CDH18: variants seen among roughly 807,000 people sequenced by gnomAD.
CDH18 encodes cadherin-18.
A neutral mutation model predicts 67.9 loss-of-function variants in CDH18; 31 were observed. The ratio of observed to expected loss-of-function variants is 0.46; its 90% CI spans 0.34 to 0.62. The LOEUF (loss-of-function observed/expected upper bound fraction) is 0.62. Among genes scored for constraint, CDH18 ranks in the 20% least tolerant of loss-of-function variants. The probability of loss-of-function intolerance (pLI) is 0.01; values close to 1 mark genes in which losing one functional copy is unlikely to be tolerated. For synonymous variants in CDH18, 362 were observed against 347.2 expected (o/e 1.04, Z -0.48); for missense variants, 890 against 975.5 (o/e 0.91, Z 1.17).
intron 3 of CDH18, among the ~76,000 whole-genome samples, chr5:19,777,525 G>A (rs528729973): frequency 4.1e-4 from 62 of 152,234 alleles, no homozygotes; most frequent in African/African-American, 1.2e-3. Flanking sequence ...ACAGTTGGCC[G>A]GCCACACTGT....
chr5:19,859,791 C>G (rs1049930082), intron 2 of CDH18, among the ~76,000 whole-genome samples: 1 of 152,152 alleles, frequency 6.6e-6, no homozygotes, highest in Non-Finnish European at 1.5e-5. Context: ...ATGTATAAAA[C>G]CATGCTGTAG....
At chr5:20,088,720 A>G (rs564996740) in intron 2 of CDH18, among the ~76,000 whole-genome samples, 2 of 152,208 alleles carry the variant, frequency 1.3e-5, no homozygotes, top group South Asian at 4.1e-4. Flanking sequence ...CCTTTTTTTC[A>G]ACTTGGCCTC....
intron 5 of CDH18, among the ~76,000 whole-genome samples, chr5:19,674,681 A>G (rs1034858903): frequency 3.3e-5 from 5 of 152,170 alleles, no homozygotes; most frequent in African/African-American, 1.2e-4. Context: ...TTCAGTATAG[A>G]CATATGCATA....
chr5:20,256,519 T>C (rs566818627), intron 1 of CDH18, among the ~76,000 whole-genome samples: 1 of 152,220 alleles, frequency 6.6e-6, no homozygotes, highest in Admixed American at 6.5e-5. Flanking sequence ...CATTATTATT[T>C]ATACTAGGAA....
At chr5:19,606,076 C>T (rs1484518569) in intron 6 of CDH18, among the ~76,000 whole-genome samples, 2 of 151,626 alleles carry the variant, frequency 1.3e-5, no homozygotes, top group African/African-American at 4.8e-5. Flanking sequence ...CACTTGAGAC[C>T]AGTGGAGAGT....
chr5:19,803,506 G>A (rs1430460334), intron 3 of CDH18, among the ~76,000 whole-genome samples: 7 of 152,160 alleles, frequency 4.6e-5, no homozygotes, highest in Non-Finnish European at 7.3e-5. Context: ...TATCGTAATA[G>A]TGCAGATGTA....
chr5:19,755,941 A>G (rs767672370), intron 3 of CDH18, among the ~76,000 whole-genome samples: 1 of 152,152 alleles, frequency 6.6e-6, no homozygotes, highest in Non-Finnish European at 1.5e-5. Flanking sequence ...TCTTTTGGCA[A>G]CACCCTCAAA....
chr5:20,355,486 C>CA (rs374966427), intron 1 of CDH18, among the ~76,000 whole-genome samples: 4 of 151,734 alleles, frequency 2.6e-5, no homozygotes, highest in African/African-American at 9.7e-5. Context: ...TATGGGTGGC[C>CA]AAAAAAATCT....
At chr5:19,864,507 A>C (rs958981833) in intron 2 of CDH18, among the ~76,000 whole-genome samples, 1 of 150,384 alleles carries the variant, frequency 6.6e-6, no homozygotes, top group Non-Finnish European at 1.5e-5. Context: ...GTGCACATGT[A>C]CCCTAAAACT....
At chr5:19,992,332 T>C (rs1457246484), upstream of CDH18, among the ~76,000 whole-genome samples, 6 of 151,998 alleles carry the variant, frequency 3.9e-5, no homozygotes, top group Non-Finnish European at 8.8e-5. Flanking sequence ...AACAGATAAT[T>C]GTTGTACTAC....
chr5:20,052,321 C>G (rs1741500586), intron 2 of CDH18, among the ~76,000 whole-genome samples: 1 of 152,014 alleles, frequency 6.6e-6, no homozygotes, highest in Non-Finnish European at 1.5e-5. Context: ...TATCTCTTTG[C>G]TAGTCAGACT....
rs374931710 is a variant in CDH18 at position 19,903,541 on chromosome 5, G to GTGTATATATATA, written c.-256-64300_-256-64299insTATATATATACA. On this transcript the variant is annotated intron_variant, in intron 2 of 12. Transcript: ENST00000382275. ...CAAAATAATGACTCTGTGTGTGTGT[G>GTGTATATATATA]TATATATATATATATATATATATAT... Among the ~76,000 whole-genome samples, 189 of 124,744 alleles carry GTGTATATATATA rather than the reference G, an allele frequency of 1.5e-3. 1 individual carries two copies. The highest frequency in any genetic ancestry group is 8.4e-3 in the Middle Eastern group (2 of 238). 81.8% of individuals were successfully genotyped at this position (124,744 alleles called of 152,430 possible). A position where few individuals can be genotyped will look rare whatever the true frequency, so the allele number is the denominator to read the frequency against.
At chr5:19,708,460 G>A (rs1346359399) in intron 5 of CDH18, among the ~76,000 whole-genome samples, 3 of 152,062 alleles carry the variant, frequency 2.0e-5, no homozygotes, top group Non-Finnish European at 2.9e-5. Flanking sequence ...AAAAAGGGGG[G>A]GACATGTTGG....
intron 8 of CDH18, among the ~76,000 whole-genome samples, chr5:19,566,553 A>G (rs1486254170): frequency 6.6e-6 from 1 of 152,184 alleles, no homozygotes; most frequent in Non-Finnish European, 1.5e-5. Flanking sequence ...AAAGAATGAG[A>G]GCCAAGTGAA....
At chr5:19,507,609 C>A (rs1744412233) in intron 10 of CDH18, among the ~76,000 whole-genome samples, 1 of 152,064 alleles carries the variant, frequency 6.6e-6, no homozygotes, top group Non-Finnish European at 1.5e-5. Context: ...TTTGTAGGGA[C>A]ATGGATGAAG....
chr5:19,960,588 TGTATATATATATATACACACAC>T (rs1332759040), intron 2 of CDH18, among the ~76,000 whole-genome samples: 3 of 125,718 alleles, frequency 2.4e-5, no homozygotes, highest in Non-Finnish European at 4.6e-5. Flanking sequence ...TGTGTGTGTG[TGTATATATATATATACACACAC>T]GTGTATATAT....
chr5:19,745,940 T>C (rs1353080691), intron 4 of CDH18, among the ~76,000 whole-genome samples: 2 of 151,908 alleles, frequency 1.3e-5, no homozygotes, highest in Non-Finnish European at 2.9e-5. Context: ...TATACACATA[T>C]ATATATTTCA....
rs547363371 is a variant in CDH18, at chr5:20,329,924, A to ATACTT, written c.-579-74424_-579-74420dup. Among the ~76,000 whole-genome samples the ATACTT allele has an allele frequency of 2.0e-4, 31 of 152,190 alleles. No homozygotes were observed. The South Asian group carries it at 5.8e-3, about 28-fold the overall frequency. On this transcript the variant is annotated intron_variant, in intron 1 of 14. Coordinates refer to the CDH18 transcript ENST00000507958. ...AAACCTAATCTAGAGTGGATTCTGG[A>ATACTT]TACTTTAGTACAGTAATATTTTCTA... is the stretch of plus-strand genomic sequence containing the variant.
intron 1 of CDH18, among the ~76,000 whole-genome samples, chr5:20,446,798 A>T (rs1453510476): frequency 6.6e-6 from 1 of 152,216 alleles, no homozygotes; most frequent in Non-Finnish European, 1.5e-5. Context: ...AATAACCATG[A>T]TCTGTCCTTC....
Sources: gnomAD v4.1 joint callset for allele counts (sites outside exome capture counted in the v4.1 genomes callset) on GRCh38, gnomAD v4.1.1 for gene constraint, MANE v1.5 for transcripts, NCBI Gene and HGNC (gene_info 2026-07-23, HGNC 2026-07-21) for gene names.